Variants in RAC1 observed in about 807,000 individuals in gnomAD.
The protein encoded by RAC1 is Rac family small GTPase 1, also known as ras-related C3 botulinum toxin substrate 1.
Under a neutral mutation model 25.2 loss-of-function variants are expected in RAC1, and 2 were observed. The ratio of observed to expected loss-of-function variants is 0.08; its 90% CI spans 0.03 to 0.25. RAC1 has a LOEUF of 0.25. RAC1 is among the 10% of genes least tolerant of loss of function. The pLI, the probability that RAC1 is intolerant of heterozygous loss-of-function variation, is 1.00. For synonymous variants in RAC1, 88 were observed against 94.0 expected, an observed-to-expected ratio of 0.94 and a Z score of 0.37; for missense variants, 50 against 235.7, an observed-to-expected ratio of 0.21 and a Z score of 5.16.
intron 3 of RAC1, among the ~76,000 whole-genome samples, chr7:6,397,666 G>A (rs1237350079): frequency 6.6e-6 from 1 of 152,202 alleles, no homozygotes; most frequent in Non-Finnish European, 1.5e-5. Flanking sequence ...TGACAGCATT[G>A]TGATAAACAC....
At chr7:6,398,234 G>A (rs988631111) in intron 3 of RAC1, among the ~76,000 whole-genome samples, 18 of 152,222 alleles carry the variant, frequency 1.2e-4, no homozygotes, top group East Asian at 3.9e-4. Context: ...ATTTACAGAC[G>A]GGTCCTTTTC....
chr7:6,391,195 G>C (rs187832284), intron 2 of RAC1, among the ~76,000 whole-genome samples: 121 of 151,884 alleles, frequency 8.0e-4, no homozygotes, highest in African/African-American at 2.7e-3. Flanking sequence ...ACCGTGCCCA[G>C]CCTCTGCTTT....
At chr7:6,397,450 T>C (rs940167264) in intron 3 of RAC1, among the ~76,000 whole-genome samples, 1 of 151,496 alleles carries the variant, frequency 6.6e-6, no homozygotes, top group Admixed American at 6.6e-5. Flanking sequence ...CCTGCCACCA[T>C]GCCCGGCTAA....
At chr7:6,398,264 C>G (rs1301448454) in intron 3 of RAC1, among the ~76,000 whole-genome samples, 3 of 152,196 alleles carry the variant, frequency 2.0e-5, no homozygotes, top group African/African-American at 4.8e-5. Context: ...GTGGCTTCAA[C>G]TAGGCTGTGT....
chr7:6,377,964 C>T (rs1244976002), intron 1 of RAC1, among the ~76,000 whole-genome samples: 1 of 152,114 alleles, frequency 6.6e-6, no homozygotes, highest in Non-Finnish European at 1.5e-5. Flanking sequence ...GACCCTTTGC[C>T]TGGACCATGG....
At chr7:6,381,813 G>C (rs1782773472) in intron 1 of RAC1, among the ~76,000 whole-genome samples, 1 of 152,192 alleles carries the variant, frequency 6.6e-6, no homozygotes, top group African/African-American at 2.4e-5. Flanking sequence ...TATTTTTCTG[G>C]ACAGATTTTA....
intron 3 of RAC1, among the ~76,000 whole-genome samples, chr7:6,397,375 A>C (rs999779153): frequency 6.6e-6 from 1 of 151,284 alleles, no homozygotes; most frequent in Admixed American, 6.6e-5. Context: ...CCTCACTGCA[A>C]CCTCCACCTC....
At chr7:6,387,143 T>G in intron 1 of RAC1, 69 bp from the exon 2 acceptor site, 1 of 1,018,500 alleles carries the variant, frequency 9.8e-7, no homozygotes, top group South Asian at 1.4e-5. Flanking sequence ...AGAAATTATT[T>G]TAACTTAATA....
At chr7:6,392,170 G>A in intron 3 of RAC1, 129 bp downstream of exon 3, 1 of 1,500,204 alleles carries the variant, frequency 6.7e-7, no homozygotes, top group East Asian at 2.3e-5. Context: ...AGCAAACAGG[G>A]TGGGATTGGT....
At chr7:6,391,351 G>C (rs1331640559) in intron 2 of RAC1, 1 of 152,260 alleles carries the variant, frequency 6.6e-6, no homozygotes, top group East Asian at 1.9e-4. Context: ...AGGCTTTGCT[G>C]GGTTATCTCT....
At chr7:6,374,817 G>A (rs1227549760) in intron 1 of RAC1, 47 bp downstream of exon 1, 2 of 1,095,434 alleles carry the variant, frequency 1.8e-6, no homozygotes, top group East Asian at 1.1e-4. Flanking sequence ...GATCGGGCGC[G>A]GAGGGGGGTT....
intron 3 of RAC1, among the ~76,000 whole-genome samples, chr7:6,397,241 A>AC (rs1783267588): frequency 2.7e-5 from 1 of 36,554 alleles, no homozygotes. Flanking sequence ...ACTCTGTCTC[A>AC]AAAAAAAAAA....
intron 4 of RAC1, among the ~76,000 whole-genome samples, chr7:6,400,680 T>C (rs1436667795): frequency 2.6e-5 from 4 of 152,056 alleles, no homozygotes; most frequent in Non-Finnish European, 5.9e-5. Context: ...TTTTTGTTTT[T>C]GTTTTTGTTT....
chr7:6,398,765 T>G (rs920859823), intron 3 of RAC1: 1 of 1,561,750 alleles, frequency 6.4e-7, no homozygotes, highest in African/African-American at 1.4e-5. Flanking sequence ...TTCTCTGTTC[T>G]CTCATTTCAC....
chr7:6,386,811 AAAG>A (rs1196620703), intron 1 of RAC1, among the ~76,000 whole-genome samples: 1 of 151,668 alleles, frequency 6.6e-6, no homozygotes, highest in Non-Finnish European at 1.5e-5. Flanking sequence ...AAAAGAAAAA[AAAG>A]AAAAAAAGAA....
In RAC1 at chr7:6,400,194, T is replaced by C; in HGVS notation, c.288+6T>C. 1 of 1,602,662 alleles carries C rather than the reference T, an allele frequency of 6.2e-7. No homozygotes were observed. Among genetic ancestry groups the C allele is most frequent in the Non-Finnish European group, 8.5e-7 (1 of 1,171,142 alleles). ...TTGAAAATGTCCGTGCAAAGGTAGG[T>C]GGGGATTTAAAATGTGTATGTAAGT... On this transcript the variant is annotated splice_donor_region_variant and intron_variant, in intron 4 of 5. Transcript: ENST00000348035.
chr7:6,380,444 G>C (rs1212603885), intron 1 of RAC1, among the ~76,000 whole-genome samples: 1 of 152,160 alleles, frequency 6.6e-6, no homozygotes, highest in Non-Finnish European at 1.5e-5. Context: ...GTTGGGCTAA[G>C]TGGGAGGAGC....
chr7:6,384,162 C>G (rs940779820), intron 1 of RAC1, among the ~76,000 whole-genome samples: 3 of 152,066 alleles, frequency 2.0e-5, no homozygotes, highest in Non-Finnish European at 4.4e-5. Context: ...GCTGCCACAT[C>G]CAAACCATGG....
chr7:6,378,157 A>G (rs1049944048), intron 1 of RAC1, among the ~76,000 whole-genome samples: 1 of 151,332 alleles, frequency 6.6e-6, no homozygotes, highest in Non-Finnish European at 1.5e-5. Flanking sequence ...AGGGCTGTGT[A>G]AATAATTCCT....
Sources: allele counts gnomAD v4.1 joint callset (sites outside exome capture counted in the v4.1 genomes callset), GRCh38; gene constraint gnomAD v4.1.1; transcripts MANE v1.5; gene names NCBI Gene and HGNC (gene_info 2026-07-23, HGNC 2026-07-21).